The following PCDHA8 variants were observed in gnomAD, a reference collection of about 807,000 sequenced individuals.
The protein encoded by PCDHA8 is protocadherin alpha 8, also known as protocadherin alpha-8.
In PCDHA8, 53 loss-of-function variants were observed where a neutral mutation model predicts 61.8. The ratio of observed to expected loss-of-function variants is 0.86; its 90% CI spans 0.69 to 1.08. The LOEUF is 1.08. Among genes scored for constraint, PCDHA8 ranks in the 50% least tolerant of loss-of-function variants. The pLI, the probability that PCDHA8 is intolerant of heterozygous loss-of-function variation, is 0.00. For synonymous variants in PCDHA8, 618 were observed against 556.6 expected (o/e 1.11, Z -1.55); for missense variants, 1,293 against 1,245.0 (o/e 1.04, Z -0.58).
intron 1 of PCDHA8, chr5:140,853,318 A>C (rs2042706802): frequency 1.2e-5 from 12 of 984,648 alleles, no homozygotes; most frequent in Non-Finnish European, 1.5e-5. Context: ...CTTAGTAATA[A>C]ATTTATCTTT....
At position 140,960,349 on chromosome 5, in the gene PCDHA8, A is replaced by T. The variant is rs936485666; in HGVS notation, c.2395-18600A>T. Among the ~76,000 whole-genome samples, 8 of 152,238 alleles carry T rather than the reference A, an allele frequency of 5.3e-5. No homozygotes were observed. The East Asian group carries it at 1.3e-3, about 26-fold the overall frequency. ...GAGAAGTACATGAGGTGAGATATGTACTGAAATAATATGCCAACTCTTAAG... is the reference window on the plus strand; with the variant it reads ...GAGAAGTACATGAGGTGAGATATGTTCTGAAATAATATGCCAACTCTTAAG... On this transcript the variant is annotated intron_variant, in intron 1 of 3. Coordinates refer to ENST00000531613, the MANE Select transcript of PCDHA8 (RefSeq NM_018911.3).
At chr5:140,963,091 T>C (rs1250580965) in intron 1 of PCDHA8, among the ~76,000 whole-genome samples, 1 of 152,162 alleles carries the variant, frequency 6.6e-6, no homozygotes, top group African/African-American at 2.4e-5. Flanking sequence ...AAGACATGGC[T>C]CCTGCTTTCA....
In PCDHA8 at chr5:140,842,672, A is replaced by G; in HGVS notation, c.1351A>G (p.Asn451Asp). The G allele has an allele frequency of 1.3e-6, 2 of 1,595,340 alleles. No homozygotes were observed. The highest frequency in any genetic ancestry group is 1.7e-6 in the Non-Finnish European group (2 of 1,165,472). ...TGTGGAGGTGGCCGACGTGAACGAC[A>G]ATGCTCCGGCGTTCGCGCAGCCCGA... ...LSVEVADVND[N>D]APAFAQPEYT... Residue 451 changes from asparagine (N) to aspartate (D), a missense_variant, in exon 1 of 4, where the codon AAT (asparagine) becomes GAT (aspartate). Physicochemically the swap from Asn to Asp is conservative, Grantham distance 23 (BLOSUM62 1). Transcript: ENST00000531613.
chr5:140,969,863 C>G (rs1305470999), intron 1 of PCDHA8, among the ~76,000 whole-genome samples: 2 of 152,156 alleles, frequency 1.3e-5, no homozygotes, highest in Non-Finnish European at 2.9e-5. Context: ...CTGGTACTTG[C>G]ACTGAACCTA....
intron 1 of PCDHA8, chr5:140,882,139 A>G (rs1185324508): frequency 6.0e-6 from 9 of 1,489,890 alleles, no homozygotes; most frequent in South Asian, 4.2e-5. Context: ...TGCAGAAAAT[A>G]TAGCAGAAAG....
intron 1 of PCDHA8, chr5:140,850,299 G>T (rs1554144160): frequency 6.3e-7 from 1 of 1,596,494 alleles, no homozygotes; most frequent in African/African-American, 1.3e-5. Context: ...CGCCGACTCG[G>T]GCTACAACGC....
At chr5:140,953,398 C>G (rs1247752047) in intron 1 of PCDHA8, among the ~76,000 whole-genome samples, 9 of 152,150 alleles carry the variant, frequency 5.9e-5, no homozygotes, top group Non-Finnish European at 7.3e-5. Flanking sequence ...GATTACAGTG[C>G]TGTTGCTCCT....
chr5:141,009,710 C>A lies in PCDHA8; in HGVS notation c.2626C>A (p.Pro876Thr), dbSNP rs2098413865. 1 of 1,613,980 alleles carries A rather than the reference C, an allele frequency of 6.2e-7. No individual in the cohort carries two copies. Among genetic ancestry groups the A allele is most frequent in the African/African-American group, 1.3e-5 (1 of 74,884 alleles). Residue 876 changes from proline (P) to threonine (T), a missense_variant, in exon 4 of 4, where the codon CCC becomes ACC. Pro to Thr is a conservative substitution (Grantham distance 38). Transcript: ENST00000531613. ...GACCTTTAAATACGGACCAGGCAAC[C>A]CCAAACAATCCGGTCCCGGTGAGTT... ...SWTFKYGPGN[P>T]KQSGPGELPD...
chr5:140,843,269 CTGGTG>C lies in PCDHA8; in HGVS notation c.1949_1953del (p.Leu650GlnfsTer5). ...CTCTCCGCGCCACCGTCTGCTGGTCCTGGTGAAGGATCATGGTGAACCTGCGCTGA... is the reference window on the plus strand; with the variant it reads ...CTCTCCGCGCCACCGTCTGCTGGTCCAAGGATCATGGTGAACCTGCGCTGA... On this transcript the variant is annotated frameshift_variant, in exon 1 of 4. Transcript: ENST00000531613. LOFTEE classifies it high-confidence loss of function. The C allele has an allele frequency of 6.3e-7, 1 of 1,596,112 alleles. No homozygotes were observed. The highest frequency in any genetic ancestry group is 2.2e-5 in the East Asian group (1 of 44,826).
intron 1 of PCDHA8, chr5:140,866,423 G>A (rs2049350651): frequency 6.6e-6 from 1 of 151,088 alleles, no homozygotes; most frequent in South Asian, 2.1e-4. Flanking sequence ...ATGTGTGTAG[G>A]TCTTTCAGTC....
intron 1 of PCDHA8, chr5:140,877,117 G>C: frequency 6.2e-7 from 1 of 1,613,720 alleles, no homozygotes; most frequent in Non-Finnish European, 8.5e-7. Flanking sequence ...GGGCAGCAAC[G>C]TGACGCTGCA....
rs1777656080 is a variant in PCDHA8, at chr5:140,842,032, T to C, written c.711T>C (p.Asp237=). ...QLLVTVLDVN[D]NAPTFEQSEY... ...TGGTCACAGTGCTGGATGTGAATGA[T>C]AATGCTCCCACTTTCGAACAGTCTG... The change falls in exon 1 of 4, where the codon GAT becomes GAC. Residue 237 remains aspartate, a synonymous_variant. Transcript: ENST00000531613. The C allele has an allele frequency of 1.9e-6, 3 of 1,613,844 alleles. 1 individual carries two copies. The highest frequency in any genetic ancestry group is 1.7e-5 in the Admixed American group (1 of 60,002).
chr5:141,008,579 T>C (rs1554261820), intron 3 of PCDHA8, among the ~76,000 whole-genome samples: 1 of 152,232 alleles, frequency 6.6e-6, no homozygotes, highest in African/African-American at 2.4e-5. Flanking sequence ...TTCCCAAGAC[T>C]CAGGGCAGAT....
In PCDHA8 at chr5:140,982,464, T is replaced by C; in HGVS notation, c.2454-11T>C. 6.2e-7 allele frequency: 1 copy of C among 1,614,112 alleles called. No individual in the cohort carries two copies. Among genetic ancestry groups the C allele is most frequent in the Non-Finnish European group, 8.5e-7 (1 of 1,180,010 alleles). ...GATCTAACCGTTATCTGGGTCTGTG[T>C]GTTTATTCAGCTCTGTGCACCTAGA... On this transcript the variant is annotated splice_polypyrimidine_tract_variant and intron_variant, in intron 2 of 3. Coordinates refer to ENST00000531613, the MANE Select transcript of PCDHA8 (RefSeq NM_018911.3).
chr5:140,881,318 C>G (rs970806128), intron 1 of PCDHA8: 20 of 977,252 alleles, frequency 2.0e-5, no homozygotes, highest in East Asian at 2.3e-4. Context: ...TGGTTAAATT[C>G]TATTTAACCA....
At chr5:140,883,471 C>G (rs781812025) in intron 1 of PCDHA8, 4 of 1,614,182 alleles carry the variant, frequency 2.5e-6, no homozygotes, top group Non-Finnish European at 3.4e-6. Flanking sequence ...TGTCCACCTA[C>G]AAGAACTACT....
In PCDHA8 at chr5:140,858,841, A is replaced by G. The variant is rs1390112804; in HGVS notation, c.2394+15126A>G. The G allele has an allele frequency of 1.6e-5, 5 of 314,504 alleles. No homozygotes were observed. The East Asian group carries it at 3.7e-4, about 23-fold the overall frequency. 19.5% of individuals were successfully genotyped at this position (314,504 alleles called of 1,614,324 possible). A position where few individuals can be genotyped will look rare whatever the true frequency, so the allele number is the denominator to read the frequency against. ...TGTATTTGCATTACCAAAAAATTCC[A>G]CTGATCTATATCTCTTCAGTGAAAA... On this transcript the variant is annotated intron_variant, in intron 1 of 3. Coordinates refer to ENST00000531613, the MANE Select transcript of PCDHA8 (RefSeq NM_018911.3).
At chr5:140,856,776 G>A in intron 1 of PCDHA8, 1 of 1,596,678 alleles carries the variant, frequency 6.3e-7, no homozygotes, top group Non-Finnish European at 8.6e-7. Context: ...ATCTTTGACA[G>A]ACCGGTTTAT....
chr5:140,842,886 C>A lies in PCDHA8; in HGVS notation c.1565C>A (p.Pro522Gln). 1 of 1,594,202 alleles carries A rather than the reference C, an allele frequency of 6.3e-7. No homozygotes were observed. The highest frequency in any genetic ancestry group is 2.2e-5 in the East Asian group (1 of 44,808). The change falls in exon 1 of 4, where the codon CCG (proline) becomes CAG (glutamine). Residue 522 changes from proline to glutamine, a missense_variant. Pro to Gln is a moderately conservative substitution (Grantham distance 76, BLOSUM62 -1). Coordinates refer to ENST00000531613, the MANE Select transcript of PCDHA8 (RefSeq NM_018911.3). ...AGCGGCAAGGTGTACGCGCTGCAGC[C>A]GCTGGACCACGAGGAGCTAGAGCTG... ...TESGKVYALQ[P>Q]LDHEELELLQ...
Sources: allele counts gnomAD v4.1 joint callset (sites outside exome capture counted in the v4.1 genomes callset), GRCh38; gene constraint gnomAD v4.1.1; transcripts MANE v1.5; gene names NCBI Gene and HGNC (gene_info 2026-07-23, HGNC 2026-07-21).